The following KCNQ3 variants were observed in gnomAD, a reference collection of about 807,000 sequenced individuals.
KCNQ3 encodes potassium voltage-gated channel subfamily Q member 3.
A neutral mutation model predicts 92.5 loss-of-function variants in KCNQ3; 30 were observed. The observed-to-expected ratio is 0.32, with a 90% CI of 0.24 to 0.44. KCNQ3 has a LOEUF of 0.44. Ranked by LOEUF, KCNQ3 falls within the 20% of genes least tolerant of loss-of-function variation. KCNQ3 has a pLI of 1.00. For missense variants in KCNQ3, 913 were observed against 1,140.3 expected (o/e 0.80, Z 2.87); for synonymous variants, 450 against 468.8 (o/e 0.96, Z 0.52).
intron 1 of KCNQ3, among the ~76,000 whole-genome samples, chr8:132,404,526 A>G (rs1820429205): frequency 1.3e-5 from 2 of 152,236 alleles, no homozygotes; most frequent in Non-Finnish European, 2.9e-5. Flanking sequence ...GATAAAGGCG[A>G]AATCCTGACT....
At chr8:132,354,781 G>A (rs1180584622) in intron 1 of KCNQ3, among the ~76,000 whole-genome samples, 1 of 152,368 alleles carries the variant, frequency 6.6e-6, no homozygotes, top group East Asian at 1.9e-4. Context: ...TCTGGAGGCT[G>A]AATTCCTGGC....
intron 8 of KCNQ3, among the ~76,000 whole-genome samples, chr8:132,166,910 A>G (rs946745887): frequency 1.3e-5 from 2 of 152,192 alleles, no homozygotes; most frequent in South Asian, 4.1e-4. Flanking sequence ...ACATAGACTT[A>G]CCAATCCTAC....
At chr8:132,216,762 T>A (rs1054801273) in intron 1 of KCNQ3, among the ~76,000 whole-genome samples, 1 of 152,148 alleles carries the variant, frequency 6.6e-6, no homozygotes, top group Non-Finnish European at 1.5e-5. Flanking sequence ...TAGGAAGCAC[T>A]TATTAGCTCA....
chr8:132,154,207 T>TTTTTTG (rs1825733543), intron 9 of KCNQ3, among the ~76,000 whole-genome samples: 4 of 143,206 alleles, frequency 2.8e-5, no homozygotes, highest in African/African-American at 1.0e-4. Flanking sequence ...TTTTTTTTTT[T>TTTTTTG]TTTTTTTTTT....
chr8:132,225,943 C>T (rs977471151), intron 1 of KCNQ3, among the ~76,000 whole-genome samples: 1 of 152,174 alleles, frequency 6.6e-6, no homozygotes, highest in African/African-American at 2.4e-5. Context: ...CTACTCCCTA[C>T]TTTGAGATTC....
intron 1 of KCNQ3, among the ~76,000 whole-genome samples, chr8:132,199,910 C>CAAAAAAAAAAAAAAAAAAAAAAAAAAAAA (rs66931252): frequency 9.8e-6 from 1 of 101,854 alleles, no homozygotes. Flanking sequence ...ACTCAGTCTC[C>CAAAAAAAAAAAAAAAAAAAAAAAAAAAAA]AAAAAAAAAA....
intron 1 of KCNQ3, among the ~76,000 whole-genome samples, chr8:132,253,516 C>T (rs139846145): frequency 1.2e-4 from 19 of 152,236 alleles, no homozygotes; most frequent in Non-Finnish European, 1.6e-4. Context: ...AATGTGAGCT[C>T]GAGGATTTGC....
chr8:132,187,381 C>T (rs891744746), intron 1 of KCNQ3, among the ~76,000 whole-genome samples: 29 of 152,174 alleles, frequency 1.9e-4, no homozygotes, highest in Non-Finnish European at 7.3e-5. Flanking sequence ...ATGGAAATGT[C>T]TCCTTCTGAC....
At chr8:132,388,509 GA>G (rs571537637) in intron 1 of KCNQ3, among the ~76,000 whole-genome samples, 190 of 151,406 alleles carry the variant, frequency 1.3e-3, no homozygotes, top group African/African-American at 3.8e-3. Flanking sequence ...TCATCAATTA[GA>G]AAAAAAATAA....
chr8:132,307,891 A>G (rs1283097016), intron 1 of KCNQ3, among the ~76,000 whole-genome samples: 2 of 152,130 alleles, frequency 1.3e-5, no homozygotes, highest in African/African-American at 2.4e-5. Context: ...AGCTCCCCAC[A>G]CTTCCATAGG....
intron 1 of KCNQ3, among the ~76,000 whole-genome samples, chr8:132,326,411 C>A (rs984291945): frequency 6.6e-6 from 1 of 152,124 alleles, no homozygotes; most frequent in Non-Finnish European, 1.5e-5. Context: ...AGGCACAGTG[C>A]AAGAGAAGGA....
chr8:132,480,037 G>T (rs969510507), intron 1 of KCNQ3, 110 bp downstream of exon 1: 1 of 1,075,778 alleles, frequency 9.3e-7, no homozygotes, highest in Non-Finnish European at 1.3e-6. Flanking sequence ...CCCCTTCAGC[G>T]GGAAAGCATC....
chr8:132,175,344 G>T, intron 5 of KCNQ3, 109 bp downstream of exon 5: 1 of 1,261,238 alleles, frequency 7.9e-7, no homozygotes, highest in Non-Finnish European at 1.2e-6. Context: ...GCTTACCTCT[G>T]ACTGCAGAAT....
intron 1 of KCNQ3, among the ~76,000 whole-genome samples, chr8:132,327,810 C>G (rs1818103121): frequency 6.6e-6 from 1 of 152,146 alleles, no homozygotes; most frequent in African/African-American, 2.4e-5. Context: ...AATGTGTGGG[C>G]TGGGGGTCCA....
intron 1 of KCNQ3, among the ~76,000 whole-genome samples, chr8:132,418,262 T>TTAAC (rs1165353887): frequency 6.6e-6 from 1 of 152,144 alleles, no homozygotes; most frequent in Non-Finnish European, 1.5e-5. Flanking sequence ...AGGAGCGGCA[T>TTAAC]TAACTGGCAG....
chr8:132,448,817 T>TC (rs1219352137), intron 1 of KCNQ3, among the ~76,000 whole-genome samples: 2 of 152,216 alleles, frequency 1.3e-5, no homozygotes, highest in African/African-American at 4.8e-5. Flanking sequence ...AGCTCTTTTT[T>TC]CCCTCTCAAA....
At chr8:132,135,703 G>C (rs1173562568) in intron 12 of KCNQ3, among the ~76,000 whole-genome samples, 2 of 152,088 alleles carry the variant, frequency 1.3e-5, no homozygotes, top group Non-Finnish European at 2.9e-5. Flanking sequence ...CTCTCGGAGA[G>C]CCATACTTGC....
At chr8:132,246,721 C>T (rs1387077250) in intron 1 of KCNQ3, among the ~76,000 whole-genome samples, 1 of 152,306 alleles carries the variant, frequency 6.6e-6, no homozygotes, top group African/African-American at 2.4e-5. Flanking sequence ...TATTTGTGCT[C>T]GCTCTTCAAC....
chr8:132,451,870 G>A (rs1563917065), intron 1 of KCNQ3, among the ~76,000 whole-genome samples: 1 of 152,218 alleles, frequency 6.6e-6, no homozygotes, highest in African/African-American at 2.4e-5. Context: ...ATGTTTGGAT[G>A]TTCGGTCAGC....
Sources: allele counts gnomAD v4.1 joint callset (sites outside exome capture counted in the v4.1 genomes callset), GRCh38; gene constraint gnomAD v4.1.1; transcripts MANE v1.5; gene names NCBI Gene and HGNC (gene_info 2026-07-23, HGNC 2026-07-21).